The following MAP1LC3B variants were observed in gnomAD, a reference collection of about 807,000 sequenced individuals.
MAP1LC3B encodes microtubule-associated protein 1 light chain 3 beta.
Under a neutral mutation model 16.7 loss-of-function variants are expected in MAP1LC3B, and 12 were observed. The observed-to-expected ratio is 0.72, with a 90% confidence interval of 0.46 to 1.16. The LOEUF (loss-of-function observed/expected upper bound fraction) is 1.16. MAP1LC3B is among the 50% of genes most tolerant of loss of function. The probability of loss-of-function intolerance (pLI) is 0.00; values close to 1 mark genes in which losing one functional copy is unlikely to be tolerated. For missense variants in MAP1LC3B, 155 were observed against 159.5 expected, an observed-to-expected ratio of 0.97 and a Z score of 0.15; for synonymous variants, 63 against 56.5, an observed-to-expected ratio of 1.11 and a Z score of -0.51.
chr16:87,402,391 T>C, intron 3 of MAP1LC3B, 110 bp downstream of exon 3: 1 of 962,346 alleles, frequency 1.0e-6, no homozygotes, highest in Non-Finnish European at 1.5e-6. Flanking sequence ...AAAAATATTT[T>C]TCAGCTGAAT....
chr16:87,402,087 G>A (rs554923345), intron 2 of MAP1LC3B, 88 bp from the exon 3 acceptor site: 35 of 1,297,410 alleles, frequency 2.7e-5, no homozygotes, highest in African/African-American at 5.9e-5. Context: ...TGCCCGCCTC[G>A]GCCTCCCAAA....
At chr16:87,401,343 T>G (rs1023515690) in intron 2 of MAP1LC3B, among the ~76,000 whole-genome samples, 5 of 152,180 alleles carry the variant, frequency 3.3e-5, no homozygotes, top group African/African-American at 1.2e-4. Flanking sequence ...CTTCCCCCAC[T>G]TCCTACCTGA....
intron 3 of MAP1LC3B, 116 bp from the exon 4 acceptor site, chr16:87,402,807 C>T: frequency 5.7e-6 from 7 of 1,233,984 alleles, no homozygotes; most frequent in Non-Finnish European, 7.9e-6. Flanking sequence ...GTATTGGATT[C>T]AAGAGCATTT....
rs375959909 is a variant in MAP1LC3B, at chr16:87,394,231, C to G, written c.40+1764C>G. Among the ~76,000 whole-genome samples the G allele has an allele frequency of 2.0e-4, 31 of 151,574 alleles. No individual in the cohort carries two copies. The East Asian group carries it at 2.5e-3, about 12-fold the overall frequency. ...TAATAGTCACTTTGTAGAAATGTGT[C>G]AAATATCTTAACAGCTGTTACCTTT... On this transcript the variant is annotated intron_variant, in intron 1 of 3. Transcript: ENST00000268607.
intron 3 of MAP1LC3B, 113 bp from the exon 4 acceptor site, chr16:87,402,810 G>C (rs1166737479): frequency 1.6e-6 from 2 of 1,256,394 alleles, no homozygotes; most frequent in East Asian, 2.5e-5. Flanking sequence ...TTGGATTCAA[G>C]AGCATTTAGA....
chr16:87,393,502 G>A (rs1907683796), intron 1 of MAP1LC3B, among the ~76,000 whole-genome samples: 1 of 152,172 alleles, frequency 6.6e-6, no homozygotes. Flanking sequence ...TTTGGATATA[G>A]TTTTGCAGGT....
intron 2 of MAP1LC3B, among the ~76,000 whole-genome samples, chr16:87,400,491 A>G (rs913882814): frequency 6.6e-6 from 1 of 152,016 alleles, no homozygotes; most frequent in Non-Finnish European, 1.5e-5. Flanking sequence ...AAATATTTGT[A>G]TTTTTAACCT....
In MAP1LC3B at chr16:87,403,476, TCTC is replaced by T. The variant is rs1373041082; in HGVS notation, c.*380_*382del. ...AGGCTTTCAGAGAGACCCTGAGTCTTCTCTTCAGGTTCACAAAACCCGCCGCCT... is the reference window on the plus strand; with the variant it reads ...AGGCTTTCAGAGAGACCCTGAGTCTTTTCAGGTTCACAAAACCCGCCGCCT... On this transcript the variant is annotated 3_prime_UTR_variant, in exon 4 of 4. Coordinates refer to ENST00000268607, the MANE Select transcript of MAP1LC3B (RefSeq NM_022818.5). 1 of 173,138 alleles carries T rather than the reference TCTC, an allele frequency of 5.8e-6. No individual in the cohort carries two copies. Among genetic ancestry groups the T allele is most frequent in the Non-Finnish European group, 1.3e-5 (1 of 76,182 alleles). The allele number at this position is 173,138 out of a possible 1,614,324, so 10.7% of individuals were successfully genotyped here.
chr16:87,402,037 A>G (rs368061822), intron 2 of MAP1LC3B, 138 bp from the exon 3 acceptor site: 11 of 678,170 alleles, frequency 1.6e-5, no homozygotes, highest in Middle Eastern at 8.4e-4. Flanking sequence ...GGGTTTCACC[A>G]TGTTAGCCAG....
intron 2 of MAP1LC3B, chr16:87,399,628 G>A: frequency 2.2e-6 from 1 of 455,770 alleles, no homozygotes; most frequent in East Asian, 6.9e-5. Context: ...TAGAAAAGAT[G>A]TCCGCAGCGT....
At chr16:87,396,726 G>C (rs1475624832) in intron 1 of MAP1LC3B, 1 of 152,180 alleles carries the variant, frequency 6.6e-6, no homozygotes, top group Admixed American at 6.5e-5. Flanking sequence ...TGATGATGAG[G>C]GGTCACTGAG....
Position 87,392,458 on chromosome 16 carries a change from C to T in MAP1LC3B, c.31C>T (p.Arg11Cys), listed in dbSNP as rs766466303. The change falls in exon 1 of 4, where the codon CGC becomes TGC. Residue 11 changes from arginine (R) to cysteine (C), a missense_variant. Coordinates refer to ENST00000268607, the MANE Select transcript of MAP1LC3B (RefSeq NM_022818.5). MPSEKTFKQR[R>C]TFEQRVEDVR... The stretch of plus-strand genomic sequence containing the variant: ...GTCGGAGAAGACCTTCAAGCAGCGC[C>T]GCACCTTCGGTGAGTGTCGCCGCGA... 4 of 1,368,870 alleles carry T rather than the reference C, an allele frequency of 2.9e-6. No individual in the cohort carries two copies. Among genetic ancestry groups the T allele is most frequent in the East Asian group, 6.1e-5 (2 of 32,702 alleles). The allele number at this position is 1,368,870 out of a possible 1,614,324, so 84.8% of individuals were successfully genotyped here.
At chr16:87,393,618 G>A (rs72806240) in intron 1 of MAP1LC3B, among the ~76,000 whole-genome samples, 1 of 152,188 alleles carries the variant, frequency 6.6e-6, no homozygotes, top group Non-Finnish European at 1.5e-5. Flanking sequence ...GAGGCAGTCC[G>A]TTGGTTAGCA....
At chr16:87,395,609 C>G (rs959123024) in intron 1 of MAP1LC3B, among the ~76,000 whole-genome samples, 1 of 152,180 alleles carries the variant, frequency 6.6e-6, no homozygotes, top group Non-Finnish European at 1.5e-5. Context: ...GTTAGTTACT[C>G]CAGGCTCAGC....
intron 1 of MAP1LC3B, among the ~76,000 whole-genome samples, chr16:87,393,931 C>A (rs1014537149): frequency 6.6e-6 from 1 of 152,158 alleles, no homozygotes; most frequent in East Asian, 1.9e-4. Context: ...TGCCCTTTTT[C>A]TCATAACAGA....
At chr16:87,393,200 C>G (rs887660494) in intron 1 of MAP1LC3B, 5 of 152,280 alleles carry the variant, frequency 3.3e-5, no homozygotes, top group African/African-American at 4.8e-5. Flanking sequence ...GACTGGAAAC[C>G]CAGCTTAGGT....
intron 1 of MAP1LC3B, chr16:87,396,584 C>G (rs1475078028): frequency 6.6e-6 from 1 of 152,090 alleles, no homozygotes; most frequent in Non-Finnish European, 1.5e-5. Context: ...AGAGGTATCA[C>G]TTATTCGCTG....
In MAP1LC3B at chr16:87,398,811, G is replaced by C. The variant is rs375444706; in HGVS notation, c.41-4G>C. On this transcript the variant is annotated splice_polypyrimidine_tract_variant and splice_region_variant and intron_variant, in intron 1 of 3. Coordinates refer to ENST00000268607, the MANE Select transcript of MAP1LC3B (RefSeq NM_022818.5). ...AATGCTTCTGTCTCTTCATTTCATTGCAGAACAAAGAGTAGAAGATGTCCG... is the reference window on the plus strand; with the variant it reads ...AATGCTTCTGTCTCTTCATTTCATTCCAGAACAAAGAGTAGAAGATGTCCG... 2 of 1,613,904 alleles carry C rather than the reference G, an allele frequency of 1.2e-6. No homozygotes were observed. Among genetic ancestry groups the C allele is most frequent in the African/African-American group, 1.3e-5 (1 of 74,918 alleles).
rs72388667 is a variant in MAP1LC3B, at chr16:87,395,852, C to CTTT, written c.41-2939_41-2937dup. ...ATAGAGCCTGTTTTTTCCTTCTTTCCTTTTTTTTTTTTTTTTTTTTTTTTT... is the reference window on the plus strand; with the variant it reads ...ATAGAGCCTGTTTTTTCCTTCTTTCCTTTTTTTTTTTTTTTTTTTTTTTTTTTT... On this transcript the variant is annotated intron_variant, in intron 1 of 3. Transcript: ENST00000268607. 6.7e-4 allele frequency among the ~76,000 whole-genome samples: 36 copies of CTTT among 53,844 alleles called. 1 individual carries two copies. Among genetic ancestry groups the CTTT allele is most frequent in the Admixed American group, 1.2e-3 (4 of 3,468 alleles). The allele number at this position is 53,844 out of a possible 152,430, so 35.3% of individuals were successfully genotyped here. A position where few individuals can be genotyped will look rare whatever the true frequency, so the allele number is the denominator to read the frequency against.
Sources: gnomAD v4.1 joint callset for allele counts (sites outside exome capture counted in the v4.1 genomes callset) on GRCh38, gnomAD v4.1.1 for gene constraint, MANE v1.5 for transcripts, NCBI Gene and HGNC (gene_info 2026-07-23, HGNC 2026-07-21) for gene names.